The following FREM1 variants were observed in gnomAD, a reference collection of about 807,000 sequenced individuals.
The protein encoded by FREM1 is FRAS1-related extracellular matrix protein 1.
In FREM1, 220 loss-of-function variants were observed where a neutral mutation model predicts 210.1. The ratio of observed to expected loss-of-function variants is 1.05; its 90% CI spans 0.94 to 1.17. The LOEUF (loss-of-function observed/expected upper bound fraction) is 1.17, where lower values mean the gene tolerates loss of function less well. Among genes scored for constraint, FREM1 ranks in the 50% most tolerant of loss-of-function variants. The pLI, the probability that FREM1 is intolerant of heterozygous loss-of-function variation, is 0.00. For synonymous variants in FREM1, 1,189 were observed against 980.2 expected, an observed-to-expected ratio of 1.21 and a Z score of -3.98; for missense variants, 3,454 against 2,675.5, an observed-to-expected ratio of 1.29 and a Z score of -6.42.
chr9:14,860,533 G>GTA (rs765318937), intron 3 of FREM1, among the ~76,000 whole-genome samples: 6 of 77,916 alleles, frequency 7.7e-5, no homozygotes, highest in Non-Finnish European at 1.4e-4. Flanking sequence ...TAGTAGGTAT[G>GTA]TATATATATA....
rs1282171062 is a variant in FREM1 at position 14,759,756 on chromosome 9, A to T, written c.5334+16T>A. On this transcript the variant is annotated intron_variant, in intron 28 of 36. Coordinates refer to ENST00000380880, the MANE Select transcript of FREM1 (RefSeq NM_001379081.2). ...CATAAGTTTTAGCTTGATAATTTAC[A>T]TTTCAGAGTCATTACCTTTATACCC... 6.4e-7 allele frequency: 1 copy of T among 1,557,810 alleles called. No homozygotes were observed. Among genetic ancestry groups the T allele is most frequent in the Non-Finnish European group, 8.7e-7 (1 of 1,150,972 alleles).
chr9:14,818,268 C>G (rs569315883), intron 14 of FREM1, among the ~76,000 whole-genome samples: 18 of 152,342 alleles, frequency 1.2e-4, no homozygotes, highest in African/African-American at 2.4e-4. Flanking sequence ...ATCTAACAGA[C>G]AGCTGAGAGC....
chr9:14,760,513 A>G (rs1204416340), intron 27 of FREM1, among the ~76,000 whole-genome samples: 2 of 152,212 alleles, frequency 1.3e-5, no homozygotes, highest in African/African-American at 2.4e-5. Flanking sequence ...AACTAAATAA[A>G]CCTGAGAAAT....
chr9:14,827,212 G>T (rs1186561864), intron 10 of FREM1, among the ~76,000 whole-genome samples: 1 of 152,164 alleles, frequency 6.6e-6, no homozygotes, highest in Non-Finnish European at 1.5e-5. Flanking sequence ...TACCTAAGTG[G>T]TCATAATCAG....
At chr9:14,862,756 T>G (rs1471939639) in intron 3 of FREM1, among the ~76,000 whole-genome samples, 1 of 152,212 alleles carries the variant, frequency 6.6e-6, no homozygotes, top group East Asian at 1.9e-4. Context: ...TGTGCCTGGC[T>G]TCTTTTACTT....
chr9:14,896,828 G>A (rs1186014490), intron 1 of FREM1, among the ~76,000 whole-genome samples: 1 of 152,118 alleles, frequency 6.6e-6, no homozygotes, highest in Non-Finnish European at 1.5e-5. Context: ...CACTATTCAG[G>A]GTGAAACACT....
At chr9:14,899,849 A>C (rs575162018) in intron 1 of FREM1, among the ~76,000 whole-genome samples, 1 of 152,338 alleles carries the variant, frequency 6.6e-6, no homozygotes, top group Non-Finnish European at 1.5e-5. Flanking sequence ...ATTTCTGTGG[A>C]AAAACATACT....
rs756017767 is a variant in FREM1 at position 14,846,067 on chromosome 9, G to A, written c.1286C>T (p.Ser429Phe). The change falls in exon 8 of 37, where the codon TCT (serine) becomes TTT (phenylalanine). Residue 429 changes from serine (S) to phenylalanine (F), a missense_variant. By Grantham distance (155) the Ser-to-Phe change is radical. Coordinates refer to ENST00000380880, the MANE Select transcript of FREM1 (RefSeq NM_001379081.2). The stretch of plus-strand genomic sequence containing the variant: ...AAACTGTTCCCAAGTGATGGCTCGA[G>A]ACTGCCCCTCAAGGAGACTCAGACC... The part of the protein sequence containing the change: ...NTGLSLLEGQ[S>F]RAITWEQFQV... 1 of 1,590,162 alleles carries A rather than the reference G, an allele frequency of 6.3e-7. No individual in the cohort carries two copies. The highest frequency in any genetic ancestry group is 8.6e-7 in the Non-Finnish European group (1 of 1,167,292).
intron 3 of FREM1, among the ~76,000 whole-genome samples, chr9:14,860,817 ACATATATACATATATACG>A (rs1829944236): frequency 1.9e-5 from 1 of 52,014 alleles, no homozygotes; most frequent in Non-Finnish European, 3.6e-5. Flanking sequence ...ACATATATAC[ACATATATACATATATACG>A]TATATATACA....
intron 2 of FREM1, among the ~76,000 whole-genome samples, chr9:14,866,918 G>C (rs1223310834): frequency 1.3e-5 from 2 of 151,714 alleles, no homozygotes; most frequent in African/African-American, 4.8e-5. Flanking sequence ...GGAGTGTAGT[G>C]GCACTATCTT....
intron 24 of FREM1, among the ~76,000 whole-genome samples, chr9:14,776,785 G>A (rs1391156353): frequency 6.6e-6 from 1 of 152,026 alleles, no homozygotes; most frequent in East Asian, 1.9e-4. Flanking sequence ...CCCCTTCCAG[G>A]CCTCATTTCC....
rs12002818 is a variant in FREM1, at chr9:14,824,220, T to A, written c.2079-105A>T. On this transcript the variant is annotated intron_variant, in intron 11 of 36. Coordinates refer to ENST00000380880, the MANE Select transcript of FREM1 (RefSeq NM_001379081.2). ...GAAAGACTTCATTGTGAGAAGAAAT[T>A]GGGTGCTCTATCTTTATATTCTCTC... 1,997 of 692,082 alleles carry A rather than the reference T, an allele frequency of 2.9e-3. 25 individuals are homozygous for A. In the African/African-American group the frequency reaches 0.032, roughly 11 times the overall value. 42.9% of individuals were successfully genotyped at this position (692,082 alleles called of 1,614,324 possible).
At chr9:14,870,904 G>A (rs1443452600) in intron 1 of FREM1, among the ~76,000 whole-genome samples, 1 of 149,812 alleles carries the variant, frequency 6.7e-6, no homozygotes, top group Non-Finnish European at 1.5e-5. Flanking sequence ...AATATGCGGT[G>A]TTTGGTTTTT....
At chr9:14,855,350 G>C (rs547897190) in intron 5 of FREM1, among the ~76,000 whole-genome samples, 1 of 152,050 alleles carries the variant, frequency 6.6e-6, no homozygotes, top group Non-Finnish European at 1.5e-5. Context: ...GGAAAAAACT[G>C]TTCCTTGTAT....
chr9:14,780,089 C>T (rs937686763), intron 24 of FREM1, among the ~76,000 whole-genome samples: 2 of 152,160 alleles, frequency 1.3e-5, no homozygotes, highest in African/African-American at 2.4e-5. Context: ...CCTAAATCCT[C>T]CAAATACATT....
rs536842666 is a variant in FREM1 at position 14,746,927 on chromosome 9, G to C, written c.6134C>G (p.Thr2045Ser). 4.3e-5 allele frequency: 70 copies of C among 1,612,860 alleles called. No homozygotes were observed. The South Asian group carries it at 7.2e-4, about 16-fold the overall frequency. The change falls in exon 34 of 37, where the codon ACC (threonine) becomes AGC (serine). Residue 2045 changes from threonine (T) to serine (S), a missense_variant. By Grantham distance (58) the Thr-to-Ser change is moderately conservative. Coordinates refer to ENST00000380880, the MANE Select transcript of FREM1 (RefSeq NM_001379081.2). ...GCTGCTCAGCCTGCCTCCTACCTTG[G>C]TTTGGGGACTCCAGGCTTTCCAGGC... ...GIAWKAWSPQ[T>S]KDVEDKSCPA...
intron 23 of FREM1, among the ~76,000 whole-genome samples, chr9:14,785,881 C>A (rs1184541357): frequency 1.2e-4 from 19 of 152,088 alleles, no homozygotes; most frequent in Admixed American, 1.2e-3. Flanking sequence ...TGAACTGGTA[C>A]ACTTAAAAAT....
intron 1 of FREM1, among the ~76,000 whole-genome samples, chr9:14,894,039 A>C (rs1447912058): frequency 3.9e-5 from 6 of 152,226 alleles, no homozygotes; most frequent in African/African-American, 1.4e-4. Flanking sequence ...AAACTGATTA[A>C]GATTAAATAC....
intron 22 of FREM1, among the ~76,000 whole-genome samples, chr9:14,789,796 G>A (rs1174418981): frequency 6.6e-6 from 1 of 152,160 alleles, no homozygotes; most frequent in Non-Finnish European, 1.5e-5. Flanking sequence ...AGAAATTGTG[G>A]CATTTTGAAT....
Sources: allele counts gnomAD v4.1 joint callset (sites outside exome capture counted in the v4.1 genomes callset), GRCh38; gene constraint gnomAD v4.1.1; transcripts MANE v1.5; gene names NCBI Gene and HGNC (gene_info 2026-07-23, HGNC 2026-07-21).